Variants in ADD3 observed in about 807,000 individuals in gnomAD.
ADD3 encodes adducin 3.
ADD3 carries 25 observed loss-of-function variants against 80.2 expected under a neutral mutation model. That is an observed-to-expected ratio of 0.31 (90% CI 0.23 to 0.44). ADD3 has a LOEUF of 0.44. ADD3 is among the 20% of genes least tolerant of loss of function. ADD3 has a pLI of 1.00. For missense variants in ADD3, 829 were observed against 847.5 expected, an observed-to-expected ratio of 0.98 and a Z score of 0.27; for synonymous variants, 284 against 289.6, an observed-to-expected ratio of 0.98 and a Z score of 0.20.
chr10:110,072,027 G>A (rs1362513774), intron 1 of ADD3, among the ~76,000 whole-genome samples: 1 of 152,052 alleles, frequency 6.6e-6, no homozygotes, highest in Non-Finnish European at 1.5e-5. Context: ...ATATTAAATA[G>A]GCAAGGGACA....
At chr10:110,021,560 A>G (rs530665618) in intron 1 of ADD3, among the ~76,000 whole-genome samples, 65 of 152,388 alleles carry the variant, frequency 4.3e-4, no homozygotes, top group East Asian at 5.8e-4. Flanking sequence ...GATGCATTTT[A>G]TATTATAAAT....
At chr10:110,122,468 G>C (rs979011150) in intron 9 of ADD3, among the ~76,000 whole-genome samples, 176 bp downstream of exon 9, 1 of 151,570 alleles carries the variant, frequency 6.6e-6, no homozygotes, top group Admixed American at 6.6e-5. Flanking sequence ...TACAAATGTC[G>C]TGTTTTTTTT....
chr10:110,120,369 C>T (rs1275259214), intron 8 of ADD3, among the ~76,000 whole-genome samples: 2 of 150,652 alleles, frequency 1.3e-5, no homozygotes, highest in Non-Finnish European at 3.0e-5. Context: ...ATGATGATTT[C>T]CAATTTCATC....
At chr10:110,128,252 G>C (rs1852445806) in intron 12 of ADD3, among the ~76,000 whole-genome samples, 1 of 151,288 alleles carries the variant, frequency 6.6e-6, no homozygotes, top group Non-Finnish European at 1.5e-5. Flanking sequence ...TTCTTTTTCT[G>C]TCAGTATATT....
chr10:110,070,881 G>A (rs2133637137), intron 1 of ADD3, among the ~76,000 whole-genome samples: 1 of 150,174 alleles, frequency 6.7e-6, no homozygotes, highest in East Asian at 2.0e-4. Context: ...GGCAGCCCAA[G>A]TTCTACAGCT....
intron 1 of ADD3, among the ~76,000 whole-genome samples, chr10:110,048,777 A>C (rs1857172779): frequency 6.6e-6 from 1 of 152,188 alleles, no homozygotes; most frequent in South Asian, 2.1e-4. Context: ...ATAGAGCATA[A>C]AGGTTTGGAA....
chr10:110,131,726 A>C (rs1321457085), intron 13 of ADD3, among the ~76,000 whole-genome samples: 2 of 152,180 alleles, frequency 1.3e-5, no homozygotes, highest in Non-Finnish European at 2.9e-5. Context: ...TCTGTTTTTC[A>C]TATTTTGTAA....
intron 1 of ADD3, among the ~76,000 whole-genome samples, chr10:110,072,910 C>A (rs1868718): frequency 0.12 from 18,890 of 152,096 alleles, 3,752 homozygotes; most frequent in African/African-American, 0.42. Context: ...ACAACTCTTA[C>A]ACCTTGGCTT....
At chr10:110,080,589 G>A (rs930797902) in intron 1 of ADD3, among the ~76,000 whole-genome samples, 2 of 152,138 alleles carry the variant, frequency 1.3e-5, no homozygotes, top group African/African-American at 4.8e-5. Flanking sequence ...AGAATTAAAA[G>A]CAAATCCTTT....
chr10:110,063,823 G>A (rs1248549411), intron 1 of ADD3, among the ~76,000 whole-genome samples: 1 of 134,274 alleles, frequency 7.4e-6, no homozygotes, highest in East Asian at 2.2e-4. Flanking sequence ...TCAAGAACTA[G>A]AATGCTAGCA....
chr10:110,065,044 A>G (rs926190199), intron 1 of ADD3, among the ~76,000 whole-genome samples: 3 of 152,206 alleles, frequency 2.0e-5, no homozygotes, highest in Non-Finnish European at 4.4e-5. Flanking sequence ...ACCCTGTTTC[A>G]GAAAAGAAAA....
chr10:110,040,470 A>G (rs1856173613), intron 1 of ADD3, among the ~76,000 whole-genome samples: 1 of 152,228 alleles, frequency 6.6e-6, no homozygotes, highest in Non-Finnish European at 1.5e-5. Context: ...TATCATCCAT[A>G]ATTAGGAGTA....
At chr10:110,120,343 T>C (rs1299381801) in intron 8 of ADD3, among the ~76,000 whole-genome samples, 411 of 149,536 alleles carry the variant, frequency 2.7e-3, no homozygotes, top group African/African-American at 9.4e-3. Flanking sequence ...TTTGTTCTTG[T>C]GATAGTTTAC....
Position 110,119,469 on chromosome 10 carries a change from C to A in ADD3, c.865C>A (p.Leu289Met), listed in dbSNP as rs898391855. Residue 289 changes from leucine (L) to methionine (M), a missense_variant, in exon 8 of 15, where the codon CTG (leucine) becomes ATG (methionine). Transcript: ENST00000356080. ...TGCTGTGGGCATTCTATTTTAGGTG[C>A]TGGTACTCAGGAATCATGGTGTGGT... is the stretch of plus-strand genomic sequence containing the variant. ...QKVLGPSCKVLVLRNHGVVAL... is the reference protein window; with the variant it reads ...QKVLGPSCKVMVLRNHGVVAL... The A allele has an allele frequency of 6.2e-7, 1 of 1,613,964 alleles. No individual in the cohort carries two copies. The highest frequency in any genetic ancestry group is 1.3e-5 in the African/African-American group (1 of 75,016).
intron 1 of ADD3, chr10:110,016,643 A>C (rs886996054): frequency 6.6e-6 from 1 of 152,196 alleles, no homozygotes; most frequent in Non-Finnish European, 1.5e-5. Flanking sequence ...AGAATACTTG[A>C]ATACTTCGAT....
chr10:110,089,524 G>A (rs1590069242), intron 1 of ADD3, among the ~76,000 whole-genome samples: 1 of 152,058 alleles, frequency 6.6e-6, no homozygotes, highest in Non-Finnish European at 1.5e-5. Flanking sequence ...ACTCCACATT[G>A]AAGACAAATG....
intron 1 of ADD3, among the ~76,000 whole-genome samples, chr10:110,059,341 G>A (rs1005235700): frequency 2.7e-5 from 4 of 149,888 alleles, no homozygotes; most frequent in East Asian, 3.9e-4. Flanking sequence ...GCGTGGTGGC[G>A]CATGCCTGTA....
At chr10:110,016,867 G>A (rs1853063635) in intron 1 of ADD3, among the ~76,000 whole-genome samples, 1 of 152,164 alleles carries the variant, frequency 6.6e-6, no homozygotes, top group Non-Finnish European at 1.5e-5. Flanking sequence ...ACAGGTCAGT[G>A]GAGGTTTAAG....
At chr10:110,025,416 T>C (rs1200120673) in intron 1 of ADD3, among the ~76,000 whole-genome samples, 1 of 152,142 alleles carries the variant, frequency 6.6e-6, no homozygotes, top group Admixed American at 6.5e-5. Context: ...AACTTCTGCC[T>C]CCATGGTTCA....
Sources: allele counts gnomAD v4.1 joint callset (sites outside exome capture counted in the v4.1 genomes callset), GRCh38; gene constraint gnomAD v4.1.1; transcripts MANE v1.5; gene names NCBI Gene and HGNC (gene_info 2026-07-23, HGNC 2026-07-21).